CHCHD3: variants seen among roughly 807,000 people sequenced by gnomAD.
CHCHD3 encodes the protein coiled-coil-helix-coiled-coil-helix domain containing 3.
In CHCHD3, 20 loss-of-function variants were observed where a neutral mutation model predicts 38.2. The ratio of observed to expected loss-of-function variants is 0.52; its 90% CI spans 0.37 to 0.76. CHCHD3 has a LOEUF of 0.76. Ranked by LOEUF, CHCHD3 falls within the 30% of genes least tolerant of loss-of-function variation. The probability of loss-of-function intolerance (pLI) is 0.00; values close to 1 mark genes in which losing one functional copy is unlikely to be tolerated. For synonymous variants in CHCHD3, 82 were observed against 100.0 expected, an observed-to-expected ratio of 0.82 and a Z score of 1.07; for missense variants, 245 against 279.2, an observed-to-expected ratio of 0.88 and a Z score of 0.87.
At chr7:133,011,614 G>C (rs971312547) in intron 3 of CHCHD3, among the ~76,000 whole-genome samples, 1 of 152,172 alleles carries the variant, frequency 6.6e-6, no homozygotes, top group Non-Finnish European at 1.5e-5. Flanking sequence ...CCATGGGGAA[G>C]GGAGCAAAAT....
At chr7:133,063,196 A>C (rs1241402845) in intron 2 of CHCHD3, among the ~76,000 whole-genome samples, 1 of 152,250 alleles carries the variant, frequency 6.6e-6, no homozygotes, top group African/African-American at 2.4e-5. Flanking sequence ...AATAAATCCA[A>C]CATAGAGATG....
intron 1 of CHCHD3, among the ~76,000 whole-genome samples, chr7:133,078,412 G>A (rs1025455392): frequency 2.6e-5 from 4 of 152,104 alleles, no homozygotes; most frequent in South Asian, 2.1e-4. Flanking sequence ...CTGGTGGAGC[G>A]GCACATGCCC....
intron 4 of CHCHD3, chr7:132,973,444 A>G: frequency 1.0e-6 from 1 of 985,508 alleles, no homozygotes; most frequent in Non-Finnish European, 1.2e-6. Context: ...AACAAATTTA[A>G]TTTTCAGTTG....
At position 132,791,892 on chromosome 7, in the gene CHCHD3, C is replaced by T. The variant is rs139834514; in HGVS notation, c.660+4550G>A. On this transcript the variant is annotated intron_variant, in intron 7 of 7. Transcript: ENST00000262570. Reference sequence around the variant, plus strand: ...CAAGTTCCTCACTGTGGCCAGGTTCCTTTCTGATCTCTCCAAAGAGATCAG... The same window carrying T: ...CAAGTTCCTCACTGTGGCCAGGTTCTTTTCTGATCTCTCCAAAGAGATCAG... Among the ~76,000 whole-genome samples the T allele has an allele frequency of 2.4e-3, 364 of 152,282 alleles. 4 individuals are homozygous for T. The highest frequency in any genetic ancestry group is 8.1e-3 in the African/African-American group (336 of 41,546).
intron 4 of CHCHD3, among the ~76,000 whole-genome samples, chr7:132,902,261 G>A (rs1298352389): frequency 6.6e-6 from 1 of 152,144 alleles, no homozygotes; most frequent in East Asian, 1.9e-4. Flanking sequence ...ACAGTGTGGC[G>A]ATTCCTCAGG....
At chr7:132,809,536 C>T (rs1807012961) in intron 6 of CHCHD3, among the ~76,000 whole-genome samples, 1 of 152,164 alleles carries the variant, frequency 6.6e-6, no homozygotes, top group African/African-American at 2.4e-5. Context: ...CCTACCAAAG[C>T]TAATTTTACT....
chr7:132,956,850 T>C (rs1423716968), intron 4 of CHCHD3, among the ~76,000 whole-genome samples: 1 of 152,138 alleles, frequency 6.6e-6, no homozygotes, highest in Non-Finnish European at 1.5e-5. Context: ...AGGTAAATGG[T>C]GGGAAGGGCT....
intron 4 of CHCHD3, among the ~76,000 whole-genome samples, chr7:132,923,618 C>A (rs751135643): frequency 6.6e-6 from 1 of 152,002 alleles, no homozygotes; most frequent in South Asian, 2.1e-4. Flanking sequence ...ACGTTCAGAT[C>A]CTCAGCCATA....
At chr7:133,030,168 C>T (rs1463146172) in intron 2 of CHCHD3, among the ~76,000 whole-genome samples, 3 of 152,106 alleles carry the variant, frequency 2.0e-5, no homozygotes, top group Non-Finnish European at 4.4e-5. Context: ...AAAGCACAGC[C>T]AGGAAAATAA....
At chr7:132,904,270 A>G (rs145499854) in intron 4 of CHCHD3, among the ~76,000 whole-genome samples, 119 of 152,140 alleles carry the variant, frequency 7.8e-4, no homozygotes, top group African/African-American at 2.8e-3. Context: ...TCTAGAAAAA[A>G]AAAAAACCCA....
intron 4 of CHCHD3, among the ~76,000 whole-genome samples, chr7:132,944,127 A>G (rs1365210902): frequency 1.3e-5 from 2 of 152,100 alleles, no homozygotes; most frequent in African/African-American, 2.4e-5. Flanking sequence ...TAAGTCATCA[A>G]TATCAAGTCA....
chr7:132,955,786 C>T (rs991644571), intron 4 of CHCHD3, among the ~76,000 whole-genome samples: 6 of 151,948 alleles, frequency 3.9e-5, no homozygotes, highest in African/African-American at 1.5e-4. Context: ...GATTTATAAC[C>T]AAGGAGCAAG....
chr7:132,988,301 C>CCACA (rs67568615), intron 3 of CHCHD3, among the ~76,000 whole-genome samples: 2 of 65,306 alleles, frequency 3.1e-5, no homozygotes, highest in South Asian at 4.3e-4. Context: ...ACACACACAC[C>CCACA]CACACACACA....
rs557351056 is a variant in CHCHD3, at chr7:133,068,048, G to A, written c.169+2094C>T. Reference sequence around the variant, plus strand: ...GGAGAATGGCATGAACCCAGGAGGCGGAGCTTGCAGTGAGCCAAGATCACG... The same window carrying A: ...GGAGAATGGCATGAACCCAGGAGGCAGAGCTTGCAGTGAGCCAAGATCACG... On this transcript the variant is annotated intron_variant, in intron 2 of 7. Coordinates refer to ENST00000262570, the MANE Select transcript of CHCHD3 (RefSeq NM_017812.4). Among the ~76,000 whole-genome samples the A allele has an allele frequency of 2.5e-3, 375 of 152,008 alleles. 10 individuals are homozygous for A. The highest frequency in any genetic ancestry group is 0.024 in the Middle Eastern group (7 of 294).
intron 3 of CHCHD3, among the ~76,000 whole-genome samples, chr7:132,996,873 A>G (rs1812434215): frequency 6.6e-6 from 1 of 152,232 alleles, no homozygotes. Context: ...AACTATCGTT[A>G]AAAACATCTT....
intron 5 of CHCHD3, among the ~76,000 whole-genome samples, chr7:132,850,438 GTTTT>G (rs55705092): frequency 7.8e-5 from 11 of 141,794 alleles, no homozygotes; most frequent in Non-Finnish European, 1.4e-4. Flanking sequence ...AGAGTCTCAG[GTTTT>G]TTTTTTTGTT....
rs545642998 is a variant in CHCHD3 at position 132,981,618 on chromosome 7, T to C, written c.252-6332A>G. Reference sequence around the variant, plus strand: ...GTTTGGCTTTTAATGGCCCTAAATGTTTTTCTGAATTTGGATACTGCTCAT... The same window carrying C: ...GTTTGGCTTTTAATGGCCCTAAATGCTTTTCTGAATTTGGATACTGCTCAT... On this transcript the variant is annotated intron_variant, in intron 3 of 7. Transcript: ENST00000262570. Among the ~76,000 whole-genome samples the C allele has an allele frequency of 1.2e-4, 19 of 152,326 alleles. No homozygotes were observed. The South Asian group carries it at 3.7e-3, about 30-fold the overall frequency.
chr7:132,851,083 A>T (rs1268953014), intron 5 of CHCHD3, among the ~76,000 whole-genome samples: 1 of 152,218 alleles, frequency 6.6e-6, no homozygotes, highest in African/African-American at 2.4e-5. Flanking sequence ...GAAAACAGAA[A>T]GGTACAAAAC....
intron 4 of CHCHD3, among the ~76,000 whole-genome samples, chr7:132,923,113 T>C (rs550476358): frequency 2.0e-5 from 3 of 152,312 alleles, no homozygotes; most frequent in Admixed American, 2.0e-4. Context: ...ACCTTTCAAA[T>C]ATATGTCACA....
Sources: allele counts gnomAD v4.1 joint callset (sites outside exome capture counted in the v4.1 genomes callset), GRCh38; gene constraint gnomAD v4.1.1; transcripts MANE v1.5; gene names NCBI Gene and HGNC (gene_info 2026-07-23, HGNC 2026-07-21).